Variants in RASSF8 observed in about 807,000 individuals in gnomAD.
The protein encoded by RASSF8 is ras association domain-containing protein 8.
A neutral mutation model predicts 48.5 loss-of-function variants in RASSF8; 22 were observed. The observed-to-expected ratio is 0.45, with a 90% confidence interval of 0.32 to 0.65. RASSF8 has a LOEUF of 0.65. Ranked by LOEUF, RASSF8 falls within the 30% of genes least tolerant of loss-of-function variation. The pLI is 0.03. For missense variants in RASSF8, 418 were observed against 489.2 expected (o/e 0.85, Z 1.37); for synonymous variants, 127 against 171.5 (o/e 0.74, Z 2.03).
chr12:25,978,271 G>A (rs77993077), intron 1 of RASSF8, among the ~76,000 whole-genome samples: 7,938 of 152,210 alleles, frequency 0.052, 256 homozygotes, highest in Middle Eastern at 0.095. Flanking sequence ...ATTTTTAAGC[G>A]CCTAAATGAC....
intron 3 of RASSF8, among the ~76,000 whole-genome samples, chr12:26,061,734 G>A (rs1212711777): frequency 1.3e-5 from 2 of 151,928 alleles, no homozygotes; most frequent in Admixed American, 6.6e-5. Context: ...GCCAAGTTAT[G>A]GATATTAAAA....
chr12:26,025,817 A>G (rs1942900028), intron 2 of RASSF8, among the ~76,000 whole-genome samples: 2 of 152,166 alleles, frequency 1.3e-5, no homozygotes, highest in South Asian at 4.2e-4. Flanking sequence ...AATGCTTAGG[A>G]ATAAATTTCA....
Position 26,068,715 on chromosome 12 carries a change from G to A in RASSF8, c.1157G>A (p.Gly386Glu). The change falls in exon 6 of 6, where the codon GGG (glycine) becomes GAG (glutamate). Residue 386 changes from glycine (G) to glutamate (E), a missense_variant. Gly to Glu is a moderately conservative substitution (Grantham distance 98, BLOSUM62 -2). Transcript: ENST00000689635. ...TGTTTAGAGGCACCATTCCAGTCTG[G>A]GTCCCTGAAGCGACCTGGTTCATCT... Reference protein sequence around the residue: ...DIEREAPFQSGSLKRPGSSRQ... With the variant: ...DIEREAPFQSESLKRPGSSRQ... 6.5e-7 allele frequency: 1 copy of A among 1,537,254 alleles called. No homozygotes were observed. The highest frequency in any genetic ancestry group is 8.7e-7 in the Non-Finnish European group (1 of 1,146,872).
chr12:26,060,820 T>C (rs1403049520), intron 3 of RASSF8, among the ~76,000 whole-genome samples: 1 of 152,204 alleles, frequency 6.6e-6, no homozygotes, highest in Non-Finnish European at 1.5e-5. Flanking sequence ...AGATAAAGAA[T>C]AAGTCAGGTG....
At chr12:26,031,671 G>A (rs2137111405) in intron 2 of RASSF8, among the ~76,000 whole-genome samples, 1 of 152,294 alleles carries the variant, frequency 6.6e-6, no homozygotes, top group African/African-American at 2.4e-5. Flanking sequence ...TTAAAATAGA[G>A]GACTAGAAAA....
At chr12:25,974,080 G>A (rs1941546729) in intron 1 of RASSF8, among the ~76,000 whole-genome samples, 2 of 152,150 alleles carry the variant, frequency 1.3e-5, no homozygotes, top group African/African-American at 2.4e-5. Flanking sequence ...TAAGGTCTCA[G>A]TGAGCTCGGT....
intron 2 of RASSF8, chr12:26,020,463 A>G (rs1942761354): frequency 6.6e-6 from 1 of 152,220 alleles, no homozygotes; most frequent in Admixed American, 6.5e-5. Flanking sequence ...AAATGTAAAA[A>G]TAGATTGTAA....
chr12:25,971,981 T>C (rs943675042), intron 1 of RASSF8, among the ~76,000 whole-genome samples: 3 of 152,226 alleles, frequency 2.0e-5, no homozygotes, highest in Non-Finnish European at 4.4e-5. Flanking sequence ...ACTGACTCTT[T>C]AATGGCAGGC....
chr12:25,990,851 A>G (rs1941997799), intron 1 of RASSF8, among the ~76,000 whole-genome samples: 1 of 152,210 alleles, frequency 6.6e-6, no homozygotes, highest in Admixed American at 6.5e-5. Context: ...TTGTAGTTGA[A>G]TATTTACAAT....
intron 2 of RASSF8, among the ~76,000 whole-genome samples, chr12:26,009,045 A>G (rs979198812): frequency 2.6e-5 from 4 of 152,326 alleles, no homozygotes; most frequent in Admixed American, 2.6e-4. Flanking sequence ...CCTGTGTACC[A>G]CAAAATGGAT....
chr12:25,983,730 G>C (rs1941798991), intron 1 of RASSF8, among the ~76,000 whole-genome samples: 1 of 152,098 alleles, frequency 6.6e-6, no homozygotes, highest in South Asian at 2.1e-4. Flanking sequence ...GAAAAAACAT[G>C]GATTGTAGAA....
intron 2 of RASSF8, among the ~76,000 whole-genome samples, chr12:26,002,934 T>C (rs1460405791): frequency 6.6e-6 from 1 of 152,212 alleles, no homozygotes; most frequent in Non-Finnish European, 1.5e-5. Flanking sequence ...TTTAGCACAT[T>C]GTATTATTGA....
rs1417020317 is a variant in RASSF8 at position 26,072,557 on chromosome 12, A to C, written c.*3739A>C. 5 of 984,978 alleles carry C rather than the reference A, an allele frequency of 5.1e-6. No individual in the cohort carries two copies. The African/African-American group carries it at 8.7e-5, about 17-fold the overall frequency. The allele number at this position is 984,978 out of a possible 1,614,324, so 61.0% of individuals were successfully genotyped here. On this transcript the variant is annotated 3_prime_UTR_variant, in exon 6 of 6. Transcript: ENST00000689635. Reference sequence around the variant, plus strand: ...GGGGGGAGGGGAAAGATTAAAAAATAGATTTACAGCCAGACATGGTGATAG... The same window carrying C: ...GGGGGGAGGGGAAAGATTAAAAAATCGATTTACAGCCAGACATGGTGATAG...
chr12:26,072,287 G>C lies in RASSF8; in HGVS notation c.*3469G>C, dbSNP rs1944015389. 3.0e-6 allele frequency: 3 copies of C among 984,480 alleles called. No individual in the cohort carries two copies. The highest frequency in any genetic ancestry group is 1.2e-4 in the Admixed American group (2 of 16,250). The allele number at this position is 984,480 out of a possible 1,614,324, so 61.0% of individuals were successfully genotyped here. On this transcript the variant is annotated 3_prime_UTR_variant, in exon 6 of 6. Coordinates refer to ENST00000689635, the MANE Select transcript of RASSF8 (RefSeq NM_001394098.1). ...ATACTATTTGCTACAGTATTTTTAA[G>C]TTTGGGGTGAAGGCCATCAGCTGTA...
chr12:26,018,629 G>T (rs547770760), intron 2 of RASSF8, among the ~76,000 whole-genome samples: 1 of 152,170 alleles, frequency 6.6e-6, no homozygotes, highest in African/African-American at 2.4e-5. Context: ...CAGAAAGGGG[G>T]TGTAGGTGAC....
intron 1 of RASSF8, among the ~76,000 whole-genome samples, chr12:25,990,421 T>C (rs1012902955): frequency 1.3e-5 from 2 of 152,208 alleles, no homozygotes; most frequent in South Asian, 4.1e-4. Context: ...GTAATCCCTG[T>C]GGTATTTTAA....
At position 26,069,329 on chromosome 12, in the gene RASSF8, G is replaced by T. The variant is rs1013329938; in HGVS notation, c.*511G>T. On this transcript the variant is annotated 3_prime_UTR_variant, in exon 6 of 6. Transcript: ENST00000689635. ...TGATTTACACTACACAAGTGTCCTAGGGTGCTCCACCATCGAAGCTAACTC... is the reference window on the plus strand; with the variant it reads ...TGATTTACACTACACAAGTGTCCTATGGTGCTCCACCATCGAAGCTAACTC... The T allele has an allele frequency of 2.0e-6, 2 of 984,488 alleles. No individual in the cohort carries two copies. The highest frequency in any genetic ancestry group is 2.4e-6 in the Non-Finnish European group (2 of 829,178). The allele number at this position is 984,488 out of a possible 1,614,324, so 61.0% of individuals were successfully genotyped here. A position where few individuals can be genotyped will look rare whatever the true frequency, so the allele number is the denominator to read the frequency against.
In RASSF8 at chr12:25,969,526, G is replaced by A. The variant is rs182524558; in HGVS notation, c.-203+10378G>A. Among the ~76,000 whole-genome samples the A allele has an allele frequency of 2.4e-3, 367 of 152,294 alleles. 2 individuals are homozygous for A. The highest frequency in any genetic ancestry group is 7.1e-3 in the African/African-American group (296 of 41,568). On this transcript the variant is annotated intron_variant, in intron 1 of 5. Coordinates refer to ENST00000689635, the MANE Select transcript of RASSF8 (RefSeq NM_001394098.1). The stretch of plus-strand genomic sequence containing the variant: ...TTGCCAAGGGGAAGTAAGGCTAGAA[G>A]TAGAAAGACCAGTTAGGAGATAATT...
chr12:26,035,691 T>G (rs1182811692), intron 2 of RASSF8, among the ~76,000 whole-genome samples: 1 of 143,700 alleles, frequency 7.0e-6, no homozygotes, highest in Non-Finnish European at 1.5e-5. Flanking sequence ...TAAACACTTG[T>G]TTTTTTTTAA....
Sources: allele counts gnomAD v4.1 joint callset (sites outside exome capture counted in the v4.1 genomes callset), GRCh38; gene constraint gnomAD v4.1.1; transcripts MANE v1.5; gene names NCBI Gene and HGNC (gene_info 2026-07-23, HGNC 2026-07-21).